ZZEF1: variants seen among roughly 807,000 people sequenced by gnomAD.
ZZEF1 encodes zinc finger ZZ-type and EF-hand domain containing 1, also known as zinc finger ZZ-type and EF-hand domain-containing protein 1.
Under a neutral mutation model 342.8 loss-of-function variants are expected in ZZEF1, and 157 were observed. The observed-to-expected ratio is 0.46, with a 90% confidence interval of 0.40 to 0.52. The LOEUF (loss-of-function observed/expected upper bound fraction) is 0.52. Among genes scored for constraint, ZZEF1 ranks in the 20% least tolerant of loss-of-function variants. The pLI is 0.00. For synonymous variants in ZZEF1, 1,505 were observed against 1,429.1 expected, an observed-to-expected ratio of 1.05 and a Z score of -1.20; for missense variants, 3,480 against 3,725.6, an observed-to-expected ratio of 0.93 and a Z score of 1.72.
intron 46 of ZZEF1, among the ~76,000 whole-genome samples, chr17:4,019,114 T>C (rs2056195835): frequency 6.6e-6 from 1 of 151,936 alleles, no homozygotes; most frequent in Non-Finnish European, 1.5e-5. Flanking sequence ...TTTTAGGCAA[T>C]ATATAAGAAA....
intron 30 of ZZEF1, 85 bp from the exon 31 acceptor site, chr17:4,059,375 A>G: frequency 6.6e-7 from 1 of 1,516,382 alleles, no homozygotes; most frequent in Non-Finnish European, 8.8e-7. Context: ...CATGAAAAAG[A>G]GCAAGTGGCA....
At position 4,137,372 on chromosome 17, in the gene ZZEF1, A is replaced by G. The variant is rs150504304; in HGVS notation, c.354+5170T>C. On this transcript the variant is annotated intron_variant, in intron 1 of 54. Transcript: ENST00000381638. Reference sequence around the variant, plus strand: ...ATGCCTGTAATCCCAGCACTTTGGGAGGCCGAGGTGGGCGGATCACAAGGT... The same window carrying G: ...ATGCCTGTAATCCCAGCACTTTGGGGGGCCGAGGTGGGCGGATCACAAGGT... 7.6e-3 allele frequency among the ~76,000 whole-genome samples: 1,161 copies of G among 152,318 alleles called. 18 individuals are homozygous for G. The highest frequency in any genetic ancestry group is 0.026 in the African/African-American group (1,100 of 41,566).
intron 40 of ZZEF1, chr17:4,033,236 T>A: frequency 2.2e-6 from 1 of 446,352 alleles, no homozygotes. Flanking sequence ...TCTATAAAAA[T>A]CACCTGTGTG....
chr17:4,051,516 G>A (rs747463470), intron 35 of ZZEF1, among the ~76,000 whole-genome samples: 2 of 152,082 alleles, frequency 1.3e-5, no homozygotes, highest in African/African-American at 2.4e-5. Flanking sequence ...CGCCTCCCAG[G>A]TTCAAGCGAT....
At chr17:4,111,724 T>A (rs1337854673) in intron 5 of ZZEF1, among the ~76,000 whole-genome samples, 1 of 145,052 alleles carries the variant, frequency 6.9e-6, no homozygotes. Context: ...TATAAATATG[T>A]ATAAACATAT....
At chr17:4,127,921 C>T (rs1259545989) in intron 1 of ZZEF1, among the ~76,000 whole-genome samples, 2 of 152,238 alleles carry the variant, frequency 1.3e-5, no homozygotes, top group Non-Finnish European at 2.9e-5. Flanking sequence ...CAGTTCATCT[C>T]GCTGTGAGTC....
At chr17:4,019,815 C>A in intron 45 of ZZEF1, 46 bp from the exon 46 acceptor site, 1 of 1,447,350 alleles carries the variant, frequency 6.9e-7, no homozygotes, top group South Asian at 1.2e-5. Context: ...AACAGTGCTT[C>A]AATACGGTAT....
intron 1 of ZZEF1, among the ~76,000 whole-genome samples, chr17:4,133,520 T>C (rs74463681): frequency 0.083 from 12,606 of 152,206 alleles, 595 homozygotes; most frequent in South Asian, 0.14. Flanking sequence ...CCGCTCCTTT[T>C]GTCCAGGTGA....
chr17:4,012,818 A>G (rs184953712), intron 52 of ZZEF1, among the ~76,000 whole-genome samples: 1 of 152,380 alleles, frequency 6.6e-6, no homozygotes, highest in Non-Finnish European at 1.5e-5. Context: ...TTAATTGTAC[A>G]TCAGCAAAAA....
At chr17:4,097,947 C>CAAAAAAAAAAA (rs2058065352) in intron 9 of ZZEF1, among the ~76,000 whole-genome samples, 4 of 93,374 alleles carry the variant, frequency 4.3e-5, no homozygotes, top group East Asian at 3.0e-4. Context: ...AAAAAAAAAG[C>CAAAAAAAAAAA]AAAAATCAAG....
intron 37 of ZZEF1, among the ~76,000 whole-genome samples, chr17:4,048,497 C>A (rs1472806852): frequency 6.6e-6 from 1 of 152,154 alleles, no homozygotes; most frequent in Admixed American, 6.5e-5. Context: ...GCTCTGGAGG[C>A]AGCATCATAG....
chr17:4,123,815 TA>T (rs1212436065), intron 2 of ZZEF1, 91 bp downstream of exon 2: 1 of 1,447,180 alleles, frequency 6.9e-7, no homozygotes, highest in African/African-American at 1.4e-5. Flanking sequence ...TGGGGGAGTT[TA>T]CTGCATGTGG....
intron 39 of ZZEF1, among the ~76,000 whole-genome samples, chr17:4,036,863 G>A (rs572181550): frequency 3.0e-4 from 36 of 120,440 alleles, no homozygotes; most frequent in South Asian, 3.3e-4. Context: ...CCGCCCGCCC[G>A]CACTGGGAAG....
chr17:4,033,240 CTG>C, intron 40 of ZZEF1: 1 of 442,820 alleles, frequency 2.3e-6, no homozygotes, highest in Non-Finnish European at 4.1e-6. Context: ...TAAAAATCAC[CTG>C]TGTGTGTGCA....
At chr17:4,044,456 G>C (rs2056868246) in intron 37 of ZZEF1, 82 bp from the exon 38 acceptor site, 1 of 1,344,398 alleles carries the variant, frequency 7.4e-7, no homozygotes, top group African/African-American at 1.5e-5. Flanking sequence ...TTAATGATTA[G>C]CCAGTCTTCA....
At chr17:4,031,353 T>TAAATAAATAAA (rs1555580731) in intron 42 of ZZEF1, among the ~76,000 whole-genome samples, 1 of 151,428 alleles carries the variant, frequency 6.6e-6, no homozygotes, top group Non-Finnish European at 1.5e-5. Flanking sequence ...AATAAATAAA[T>TAAATAAATAAA]TTACAATAGT....
chr17:4,030,725 T>C (rs2056523416), intron 42 of ZZEF1, among the ~76,000 whole-genome samples: 1 of 152,228 alleles, frequency 6.6e-6, no homozygotes, highest in Non-Finnish European at 1.5e-5. Flanking sequence ...TGTAAGCGAC[T>C]GCGCCTGGCT....
At chr17:4,060,779 C>T (rs1414346024) in intron 30 of ZZEF1, among the ~76,000 whole-genome samples, 1 of 152,206 alleles carries the variant, frequency 6.6e-6, no homozygotes, top group African/African-American at 2.4e-5. Context: ...CTTACCTTTG[C>T]ACCACCAAAT....
intron 9 of ZZEF1, among the ~76,000 whole-genome samples, chr17:4,098,420 G>A (rs2058075801): frequency 6.6e-6 from 1 of 151,986 alleles, no homozygotes; most frequent in African/African-American, 2.4e-5. Context: ...TCAAATGAAT[G>A]AATGAATGAA....
Sources: gnomAD v4.1 joint callset for allele counts (sites outside exome capture counted in the v4.1 genomes callset) on GRCh38, gnomAD v4.1.1 for gene constraint, MANE v1.5 for transcripts, NCBI Gene and HGNC (gene_info 2026-07-23, HGNC 2026-07-21) for gene names.